The following UNC5D variants were observed in gnomAD, a reference collection of about 807,000 sequenced individuals.
The protein encoded by UNC5D is unc-5 netrin receptor D.
A neutral mutation model predicts 105.4 loss-of-function variants in UNC5D; 39 were observed. The observed-to-expected ratio is 0.37, with a 90% CI of 0.29 to 0.48. The LOEUF is 0.48. UNC5D is among the 20% of genes least tolerant of loss of function. The pLI, the probability that UNC5D is intolerant of heterozygous loss-of-function variation, is 0.98. For missense variants in UNC5D, 991 were observed against 1,202.4 expected (o/e 0.82, Z 2.60); for synonymous variants, 452 against 450.4 (o/e 1.00, Z -0.04).
intron 1 of UNC5D, among the ~76,000 whole-genome samples, chr8:35,332,217 T>C (rs1810678501): frequency 6.6e-6 from 1 of 152,218 alleles, no homozygotes; most frequent in Non-Finnish European, 1.5e-5. Flanking sequence ...GTTTTTAAAA[T>C]TCATGTTTGA....
chr8:35,250,479 A>G (rs1030862541), intron 1 of UNC5D, among the ~76,000 whole-genome samples: 3 of 152,082 alleles, frequency 2.0e-5, no homozygotes, highest in African/African-American at 7.2e-5. Context: ...GATAGTAAGC[A>G]TAGTACCCAA....
intron 1 of UNC5D, among the ~76,000 whole-genome samples, chr8:35,507,057 T>C (rs899037835): frequency 2.9e-5 from 4 of 135,620 alleles, no homozygotes; most frequent in South Asian, 2.6e-4. Flanking sequence ...TTCTTTTTTT[T>C]TTTTTTTTTT....
intron 1 of UNC5D, among the ~76,000 whole-genome samples, chr8:35,285,189 A>T (rs1806501293): frequency 6.6e-6 from 1 of 152,186 alleles, no homozygotes; most frequent in African/African-American, 2.4e-5. Context: ...CAGATATGAA[A>T]CTGCTTGACA....
intron 4 of UNC5D, among the ~76,000 whole-genome samples, chr8:35,675,431 G>A (rs1046215968): frequency 3.3e-5 from 5 of 152,124 alleles, no homozygotes; most frequent in African/African-American, 4.8e-5. Context: ...GAAGCTTGCC[G>A]ACAAGTAGAG....
At chr8:35,496,717 A>ATCAT (rs1177886783) in intron 1 of UNC5D, among the ~76,000 whole-genome samples, 6 of 152,184 alleles carry the variant, frequency 3.9e-5, no homozygotes, top group African/African-American at 1.4e-4. Context: ...CTGTACTGCC[A>ATCAT]TCACCAAAGT....
At chr8:35,779,016 G>A (rs1287172538) in intron 16 of UNC5D, among the ~76,000 whole-genome samples, 2 of 152,316 alleles carry the variant, frequency 1.3e-5, no homozygotes, top group African/African-American at 4.8e-5. Context: ...ACACAGCCTA[G>A]CAAAGAATGT....
intron 1 of UNC5D, among the ~76,000 whole-genome samples, chr8:35,352,281 A>C (rs2128910809): frequency 6.6e-6 from 1 of 152,168 alleles, no homozygotes; most frequent in Non-Finnish European, 1.5e-5. Flanking sequence ...CACCGAAATT[A>C]AACAGGAAAG....
chr8:35,712,307 T>A (rs543653934), intron 8 of UNC5D, among the ~76,000 whole-genome samples: 2 of 152,134 alleles, frequency 1.3e-5, no homozygotes, highest in Admixed American at 1.3e-4. Context: ...TTCAATATAG[T>A]CAATTTTATT....
intron 8 of UNC5D, among the ~76,000 whole-genome samples, chr8:35,711,536 C>A (rs1417230435): frequency 1.3e-5 from 2 of 152,120 alleles, no homozygotes; most frequent in Non-Finnish European, 2.9e-5. Flanking sequence ...CTCACCATTG[C>A]TGTATTCCTC....
chr8:35,597,981 A>ATCTC (rs1309800663), intron 4 of UNC5D, among the ~76,000 whole-genome samples: 1 of 151,850 alleles, frequency 6.6e-6, no homozygotes, highest in Non-Finnish European at 1.5e-5. Context: ...GGCCCCTTCA[A>ATCTC]TCTCTCTCAG....
At chr8:35,370,320 A>C (rs1359019349) in intron 1 of UNC5D, among the ~76,000 whole-genome samples, 1 of 152,224 alleles carries the variant, frequency 6.6e-6, no homozygotes, top group Non-Finnish European at 1.5e-5. Flanking sequence ...AGTTTGTAGT[A>C]ACAGATGGAT....
At chr8:35,605,032 C>T (rs942179660) in intron 4 of UNC5D, among the ~76,000 whole-genome samples, 2 of 152,178 alleles carry the variant, frequency 1.3e-5, no homozygotes, top group Non-Finnish European at 2.9e-5. Flanking sequence ...CTGAGGCCTT[C>T]CTCTCTCAAC....
Position 35,268,389 on chromosome 8 carries a change from G to A in UNC5D, c.103+32502G>A, listed in dbSNP as rs185111575. 2.3e-3 allele frequency among the ~76,000 whole-genome samples: 345 copies of A among 152,156 alleles called. 2 individuals carry two copies. Among genetic ancestry groups the A allele is most frequent in the African/African-American group, 7.7e-3 (320 of 41,532 alleles). ...TTTGGTCTCATAGATTCCTTACAAT[G>A]TCTTTTTCCACTCTAAAAGCCATTA... On this transcript the variant is annotated intron_variant, in intron 1 of 16. Transcript: ENST00000404895.
At chr8:35,671,371 T>C (rs1233364746) in intron 4 of UNC5D, among the ~76,000 whole-genome samples, 1 of 152,182 alleles carries the variant, frequency 6.6e-6, no homozygotes, top group African/African-American at 2.4e-5. Flanking sequence ...TTGGCAATGG[T>C]TAACAAAGCA....
chr8:35,615,215 G>T (rs1820964027), intron 4 of UNC5D, among the ~76,000 whole-genome samples: 1 of 152,134 alleles, frequency 6.6e-6, no homozygotes, highest in Admixed American at 6.6e-5. Context: ...CTCCAGCGTG[G>T]GGCCAGAGAT....
At chr8:35,390,564 T>C (rs1803707408) in intron 1 of UNC5D, among the ~76,000 whole-genome samples, 1 of 152,190 alleles carries the variant, frequency 6.6e-6, no homozygotes, top group Admixed American at 6.5e-5. Flanking sequence ...AAGAAAATAT[T>C]GTAAAAACGT....
chr8:35,344,022 T>C (rs1811635245), intron 1 of UNC5D, among the ~76,000 whole-genome samples: 4 of 152,218 alleles, frequency 2.6e-5, no homozygotes, highest in Admixed American at 2.6e-4. Context: ...GTGACTAGTG[T>C]CACCTGGAGC....
At chr8:35,774,518 A>G in intron 16 of UNC5D, 41 bp downstream of exon 16, 1 of 1,605,892 alleles carries the variant, frequency 6.2e-7, no homozygotes, top group Non-Finnish European at 8.5e-7. Flanking sequence ...TTACTAAGAG[A>G]ACTTGGAAAC....
intron 1 of UNC5D, among the ~76,000 whole-genome samples, chr8:35,320,430 G>A (rs570452397): frequency 1.3e-5 from 2 of 152,032 alleles, no homozygotes; most frequent in Non-Finnish European, 2.9e-5. Context: ...GACATAAAAA[G>A]ATGCCACACT....
Sources: gnomAD v4.1 joint callset for allele counts (sites outside exome capture counted in the v4.1 genomes callset) on GRCh38, gnomAD v4.1.1 for gene constraint, MANE v1.5 for transcripts, NCBI Gene and HGNC (gene_info 2026-07-23, HGNC 2026-07-21) for gene names.